Variants in CAMK2D observed in about 807,000 individuals in gnomAD.
CAMK2D encodes the protein calcium/calmodulin dependent protein kinase II delta.
Under a neutral mutation model 84.0 loss-of-function variants are expected in CAMK2D, and 37 were observed. The ratio of observed to expected loss-of-function variants is 0.44; its 90% CI spans 0.34 to 0.58. The LOEUF (loss-of-function observed/expected upper bound fraction) is 0.58, where lower values mean the gene tolerates loss of function less well. Among genes scored for constraint, CAMK2D ranks in the 20% least tolerant of loss-of-function variants. The pLI is 0.02. For synonymous variants in CAMK2D, 202 were observed against 212.5 expected (o/e 0.95, Z 0.43); for missense variants, 448 against 652.5 (o/e 0.69, Z 3.41).
At chr4:113,709,224 T>C (rs951912285) in intron 2 of CAMK2D, among the ~76,000 whole-genome samples, 1 of 151,964 alleles carries the variant, frequency 6.6e-6, no homozygotes, top group African/African-American at 2.4e-5. Flanking sequence ...ATCCACATTA[T>C]AATCTAGCTT....
At chr4:113,597,110 G>A (rs989124902) in intron 4 of CAMK2D, among the ~76,000 whole-genome samples, 2 of 152,242 alleles carry the variant, frequency 1.3e-5, no homozygotes, top group African/African-American at 2.4e-5. Context: ...GAGCCACCGC[G>A]CCTGGCCGGG....
At chr4:113,675,936 C>T (rs2099316531) in intron 2 of CAMK2D, among the ~76,000 whole-genome samples, 1 of 152,150 alleles carries the variant, frequency 6.6e-6, no homozygotes, top group Admixed American at 6.5e-5. Flanking sequence ...AATATGCAAG[C>T]CAGATGAGGA....
At chr4:113,556,440 T>C (rs1012562958) in intron 4 of CAMK2D, among the ~76,000 whole-genome samples, 5 of 152,094 alleles carry the variant, frequency 3.3e-5, no homozygotes, top group African/African-American at 9.7e-5. Context: ...CCTTTAATCA[T>C]TGATTAAAGT....
At chr4:113,711,844 T>C (rs1177201077) in intron 2 of CAMK2D, among the ~76,000 whole-genome samples, 2 of 152,200 alleles carry the variant, frequency 1.3e-5, no homozygotes, top group African/African-American at 4.8e-5. Context: ...TGATTTCTAA[T>C]TGGTCTCTAA....
intron 4 of CAMK2D, among the ~76,000 whole-genome samples, chr4:113,587,730 C>T (rs549408375): frequency 6.6e-6 from 1 of 152,188 alleles, no homozygotes; most frequent in South Asian, 2.1e-4. Context: ...AAAGTTTTTC[C>T]AAACTCTGGG....
chr4:113,698,776 TAC>T (rs1326129168), intron 2 of CAMK2D, among the ~76,000 whole-genome samples: 1 of 152,246 alleles, frequency 6.6e-6, no homozygotes, highest in African/African-American at 2.4e-5. Flanking sequence ...CAGAACAGTT[TAC>T]AGAGTGTGAT....
chr4:113,472,193 AC>A (rs1201935878), intron 16 of CAMK2D, among the ~76,000 whole-genome samples: 3 of 152,350 alleles, frequency 2.0e-5, no homozygotes, highest in South Asian at 4.1e-4. Context: ...TAGTCTGAAC[AC>A]CTAGTACTGA....
chr4:113,517,803 C>T (rs1467518782), intron 8 of CAMK2D, 146 bp from the exon 9 acceptor site: 1 of 539,432 alleles, frequency 1.9e-6, no homozygotes, highest in Non-Finnish European at 3.4e-6. Flanking sequence ...GTGTTATGAT[C>T]TAGTCTAGAG....
chr4:113,576,114 C>A (rs1386708506), intron 4 of CAMK2D, among the ~76,000 whole-genome samples: 1 of 152,100 alleles, frequency 6.6e-6, no homozygotes, highest in Non-Finnish European at 1.5e-5. Context: ...TAGCTCACTG[C>A]ATCCTCAAAC....
chr4:113,710,312 A>G (rs1278573554), intron 2 of CAMK2D, among the ~76,000 whole-genome samples: 2 of 152,126 alleles, frequency 1.3e-5, no homozygotes, highest in Admixed American at 6.6e-5. Flanking sequence ...AGGTTTCTGG[A>G]GCAAATTTAA....
rs1360070782 is a variant in CAMK2D, at chr4:113,452,618, T to C, written c.*1927A>G. Reference sequence around the variant, plus strand: ...TGCGGAAGACAAACTTGATCTACAGTAATACTTCAACACCACATGCTAAGT... The same window carrying C: ...TGCGGAAGACAAACTTGATCTACAGCAATACTTCAACACCACATGCTAAGT... On this transcript the variant is annotated 3_prime_UTR_variant, in exon 21 of 21. Transcript: ENST00000511664. 2 of 152,532 alleles carry C rather than the reference T, an allele frequency of 1.3e-5. No homozygotes were observed. Among genetic ancestry groups the C allele is most frequent in the African/African-American group, 4.8e-5 (2 of 41,406 alleles). 9.4% of individuals were successfully genotyped at this position (152,532 alleles called of 1,614,324 possible).
chr4:113,525,639 T>C (rs2098411130), intron 8 of CAMK2D, among the ~76,000 whole-genome samples: 1 of 152,192 alleles, frequency 6.6e-6, no homozygotes, highest in African/African-American at 2.4e-5. Flanking sequence ...GATAATTGCA[T>C]GATTCTAATA....
intron 2 of CAMK2D, among the ~76,000 whole-genome samples, chr4:113,722,574 C>T (rs1281178286): frequency 3.9e-5 from 6 of 152,046 alleles, no homozygotes; most frequent in Non-Finnish European, 1.5e-5. Context: ...TAGAATTATG[C>T]AGGATTATTA....
intron 2 of CAMK2D, among the ~76,000 whole-genome samples, chr4:113,671,780 G>C (rs1473085372): frequency 3.3e-5 from 5 of 152,206 alleles, no homozygotes; most frequent in African/African-American, 1.2e-4. Flanking sequence ...GGTGGTATCA[G>C]CATATGAACC....
At chr4:113,611,173 A>T (rs777900428) in intron 3 of CAMK2D, among the ~76,000 whole-genome samples, 2 of 152,176 alleles carry the variant, frequency 1.3e-5, no homozygotes, top group Non-Finnish European at 2.9e-5. Flanking sequence ...AATATCAGAG[A>T]TGCCTGCTAG....
At chr4:113,627,295 A>G (rs893833330) in intron 3 of CAMK2D, among the ~76,000 whole-genome samples, 3 of 152,138 alleles carry the variant, frequency 2.0e-5, no homozygotes, top group African/African-American at 7.2e-5. Context: ...TTTCACTGTA[A>G]TAAATTTTGG....
chr4:113,603,773 T>TATA (rs2098964722), intron 4 of CAMK2D, among the ~76,000 whole-genome samples: 2 of 127,994 alleles, frequency 1.6e-5, no homozygotes, highest in Non-Finnish European at 3.2e-5. Context: ...TCTTGCTATT[T>TATA]TATATATATA....
At chr4:113,724,217 C>A (rs949192380) in intron 2 of CAMK2D, among the ~76,000 whole-genome samples, 7 of 151,958 alleles carry the variant, frequency 4.6e-5, no homozygotes, top group African/African-American at 1.4e-4. Flanking sequence ...TGGGCTTCGA[C>A]AACAAAATGA....
At chr4:113,707,045 T>C (rs941457692) in intron 2 of CAMK2D, among the ~76,000 whole-genome samples, 2 of 152,150 alleles carry the variant, frequency 1.3e-5, no homozygotes, top group Non-Finnish European at 2.9e-5. Context: ...CGTGCGAGAA[T>C]TGAAATGTAG....
Sources: allele counts gnomAD v4.1 joint callset (sites outside exome capture counted in the v4.1 genomes callset), GRCh38; gene constraint gnomAD v4.1.1; transcripts MANE v1.5; gene names NCBI Gene and HGNC (gene_info 2026-07-23, HGNC 2026-07-21).